ACTR10: variants seen among roughly 807,000 people sequenced by gnomAD.
ACTR10 encodes the protein actin-related protein 10.
Under a neutral mutation model 56.2 loss-of-function variants are expected in ACTR10, and 43 were observed. That is an observed-to-expected ratio of 0.77 (90% CI 0.60 to 0.99). The LOEUF is 0.99. ACTR10 is among the 50% of genes least tolerant of loss of function. The probability of loss-of-function intolerance (pLI) is 0.00; values close to 1 mark genes in which losing one functional copy is unlikely to be tolerated. For missense variants in ACTR10, 466 were observed against 507.8 expected, an observed-to-expected ratio of 0.92 and a Z score of 0.79; for synonymous variants, 170 against 176.3, an observed-to-expected ratio of 0.96 and a Z score of 0.28.
chr14:58,214,822 C>T (rs761415033), intron 6 of ACTR10, among the ~76,000 whole-genome samples: 13 of 145,430 alleles, frequency 8.9e-5, no homozygotes, highest in African/African-American at 2.2e-4. Context: ...TCATAATAAT[C>T]GGGCTGGGTG....
At chr14:58,223,927 G>A (rs745476740) in intron 10 of ACTR10, 71 bp downstream of exon 10, 26 of 1,189,878 alleles carry the variant, frequency 2.2e-5, no homozygotes, top group South Asian at 9.4e-5. Flanking sequence ...ATATTTGTAT[G>A]AGCCTTTATT....
chr14:58,207,020 ATTT>A (rs67404166), intron 2 of ACTR10: 9 of 124,604 alleles, frequency 7.2e-5, no homozygotes, highest in Non-Finnish European at 9.8e-5. Context: ...TCAATGCTGA[ATTT>A]TTTTTTTTTT....
chr14:58,219,768 G>A (rs991186446), intron 8 of ACTR10, 39 bp downstream of exon 8: 21 of 1,391,644 alleles, frequency 1.5e-5, no homozygotes, highest in East Asian at 2.6e-5. Flanking sequence ...TCATCCTTAA[G>A]TGTTACTTTG....
intron 7 of ACTR10, among the ~76,000 whole-genome samples, chr14:58,215,767 A>T (rs543911777): frequency 6.6e-6 from 1 of 152,034 alleles, no homozygotes; most frequent in African/African-American, 2.4e-5. Context: ...CTTGATATTC[A>T]TATTTCCAAC....
At chr14:58,208,818 CA>C (rs1369995392) in intron 3 of ACTR10, among the ~76,000 whole-genome samples, 180 bp from the exon 4 acceptor site, 1 of 151,996 alleles carries the variant, frequency 6.6e-6, no homozygotes, top group East Asian at 1.9e-4. Context: ...TTTCCTAGCA[CA>C]CTGCACGGTA....
chr14:58,227,376 A>G (rs999901950), intron 10 of ACTR10, among the ~76,000 whole-genome samples: 1 of 152,140 alleles, frequency 6.6e-6, no homozygotes, highest in Non-Finnish European at 1.5e-5. Flanking sequence ...ACTAAAAATA[A>G]ACAGAATCCA....
chr14:58,203,948 A>G (rs1888791919), intron 2 of ACTR10, among the ~76,000 whole-genome samples: 1 of 152,216 alleles, frequency 6.6e-6, no homozygotes, highest in African/African-American at 2.4e-5. Flanking sequence ...TATGGGAAAA[A>G]TAAGCTTGAG....
intron 8 of ACTR10, among the ~76,000 whole-genome samples, chr14:58,222,960 T>C (rs954707934): frequency 1.3e-5 from 2 of 152,150 alleles, no homozygotes; most frequent in African/African-American, 2.4e-5. Flanking sequence ...AATAGCTACA[T>C]TTTTATGATG....
At position 58,200,249 on chromosome 14, in the gene ACTR10, G is replaced by A; in HGVS notation, c.32G>A (p.Gly11Glu). The A allele has an allele frequency of 6.6e-7, 1 of 1,517,326 alleles. No homozygotes were observed. Among genetic ancestry groups the A allele is most frequent in the Non-Finnish European group, 8.8e-7 (1 of 1,136,248 alleles). 94.0% of individuals were successfully genotyped at this position (1,517,326 alleles called of 1,614,324 possible). A position where few individuals can be genotyped will look rare whatever the true frequency, so the allele number is the denominator to read the frequency against. The change falls in exon 1 of 13, where the codon GGG (glycine) becomes GAG (glutamate). Residue 11 changes from glycine to glutamate, a missense_variant. Coordinates refer to ENST00000254286, the MANE Select transcript of ACTR10 (RefSeq NM_018477.3). MPLYEGLGSG[G>E]EKTAVVIDLG... is the part of the protein sequence containing the mutation. ...CTCTACGAGGGCCTGGGGAGCGGCG[G>A]GGAGAAGACGGCGGTCGTGATCGAC... is the stretch of plus-strand genomic sequence containing the variant.
intron 12 of ACTR10, 78 bp from the exon 13 acceptor site, chr14:58,234,292 T>C: frequency 5.6e-6 from 7 of 1,246,732 alleles, no homozygotes; most frequent in Non-Finnish European, 6.5e-6. Context: ...TGTCATATAG[T>C]GAAGTAGATG....
intron 8 of ACTR10, among the ~76,000 whole-genome samples, chr14:58,223,220 T>C (rs2140058222): frequency 6.6e-6 from 1 of 152,246 alleles, no homozygotes; most frequent in East Asian, 1.9e-4. Flanking sequence ...CACTGCAACC[T>C]CCACCTCCCG....
At chr14:58,200,401 C>T in intron 1 of ACTR10, 107 bp downstream of exon 1, 2 of 839,662 alleles carry the variant, frequency 2.4e-6, no homozygotes, top group Non-Finnish European at 3.3e-6. Flanking sequence ...AGCTCCGGGC[C>T]TCCCCTTTTC....
At chr14:58,216,397 T>C (rs1463866498) in intron 7 of ACTR10, among the ~76,000 whole-genome samples, 1 of 152,188 alleles carries the variant, frequency 6.6e-6, no homozygotes, top group East Asian at 1.9e-4. Context: ...CCCAAAATGC[T>C]GGGATTACAG....
In ACTR10 at chr14:58,232,167, G is replaced by A; in HGVS notation, c.972G>A (p.Arg324=). The A allele has an allele frequency of 6.2e-7, 1 of 1,613,720 alleles. No homozygotes were observed. The highest frequency in any genetic ancestry group is 8.5e-7 in the Non-Finnish European group (1 of 1,179,862). The change falls in exon 12 of 13, where the codon AGG becomes AGA. Residue 324 remains arginine, a synonymous_variant. Transcript: ENST00000254286. ...GFLHRLLAEI[R]YLVEKPKYKK... ...TCCACAGATTGCTTGCAGAAATAAG[G>A]TATTTGGTAGAAAAACCAAAATATA...
intron 12 of ACTR10, among the ~76,000 whole-genome samples, chr14:58,232,626 G>A (rs1320706765): frequency 2.0e-5 from 3 of 151,526 alleles, no homozygotes; most frequent in East Asian, 3.9e-4. Flanking sequence ...ATGTTGGCCA[G>A]GATGGTCTCG....
intron 10 of ACTR10, among the ~76,000 whole-genome samples, chr14:58,227,160 T>C (rs1049773556): frequency 2.6e-5 from 3 of 114,094 alleles, no homozygotes; most frequent in Non-Finnish European, 5.3e-5. Flanking sequence ...AATTTATGAT[T>C]TCCAGCTTTT....
At chr14:58,227,810 AT>A (rs1889437448) in intron 10 of ACTR10, among the ~76,000 whole-genome samples, 1 of 152,254 alleles carries the variant, frequency 6.6e-6, no homozygotes, top group South Asian at 2.1e-4. Context: ...TAATATCCCA[AT>A]TTTATAAAAA....
Position 58,209,094 on chromosome 14 carries a change from T to C in ACTR10, c.329T>C (p.Phe110Ser). Residue 110 changes from phenylalanine to serine, a missense_variant, in exon 4 of 13, where the codon TTC becomes TCC. Physicochemically the swap from Phe to Ser is radical, Grantham distance 155 (BLOSUM62 -2). Transcript: ENST00000254286. Reference protein sequence around the residue: ...HFRETLTRVLFKYFEVPSVLL... With the variant: ...HFRETLTRVLSKYFEVPSVLL... ...AGAGAGACACTCACTCGTGTTCTTT[T>C]CAAATATTTTGAGGTACCTGTCTTT... 6.3e-7 allele frequency: 1 copy of C among 1,585,798 alleles called. No homozygotes were observed. Among genetic ancestry groups the C allele is most frequent in the South Asian group, 1.2e-5 (1 of 86,182 alleles).
At chr14:58,231,110 A>G (rs1331077577) in intron 11 of ACTR10, 3 of 347,900 alleles carry the variant, frequency 8.6e-6, no homozygotes, top group Admixed American at 2.9e-5. Context: ...CTGGAGTGCA[A>G]TGGCATGATC....
Sources: allele counts gnomAD v4.1 joint callset (sites outside exome capture counted in the v4.1 genomes callset), GRCh38; gene constraint gnomAD v4.1.1; transcripts MANE v1.5; gene names NCBI Gene and HGNC (gene_info 2026-07-23, HGNC 2026-07-21).